MB21D2: variants seen among roughly 807,000 people sequenced by gnomAD.
The protein encoded by MB21D2 is Mab-21 domain containing 2.
In MB21D2, 9 loss-of-function variants were observed where a neutral mutation model predicts 33.3. That is an observed-to-expected ratio of 0.27 (90% confidence interval 0.16 to 0.47). The LOEUF (loss-of-function observed/expected upper bound fraction) is 0.47, where lower values mean the gene tolerates loss of function less well. Among genes scored for constraint, MB21D2 ranks in the 20% least tolerant of loss-of-function variants. MB21D2 has a pLI of 0.99. For missense variants in MB21D2, 540 were observed against 624.6 expected (o/e 0.86, Z 1.44); for synonymous variants, 241 against 236.3 (o/e 1.02, Z -0.18).
At chr3:192,888,754 T>A (rs1175801601) in intron 1 of MB21D2, among the ~76,000 whole-genome samples, 2 of 152,158 alleles carry the variant, frequency 1.3e-5, no homozygotes, top group East Asian at 3.8e-4. Flanking sequence ...GTATTTTATT[T>A]ATTGAGTCTT....
chr3:192,901,087 G>C (rs960802904), intron 1 of MB21D2, among the ~76,000 whole-genome samples: 1 of 152,068 alleles, frequency 6.6e-6, no homozygotes, highest in Admixed American at 6.5e-5. Context: ...CCAGGTGAAC[G>C]GCCCGAGATG....
intron 1 of MB21D2, among the ~76,000 whole-genome samples, chr3:192,834,375 C>A (rs573973977): frequency 1.5e-5 from 2 of 133,760 alleles, no homozygotes; most frequent in Non-Finnish European, 3.2e-5. Flanking sequence ...AGTTATGATG[C>A]AAATAAGGAC....
intron 1 of MB21D2, among the ~76,000 whole-genome samples, chr3:192,863,852 G>A (rs11928572): frequency 0.036 from 5,433 of 152,208 alleles, 132 homozygotes; most frequent in Non-Finnish European, 0.043. Context: ...AGGGAGCTTC[G>A]CCAGACACCA....
intron 1 of MB21D2, among the ~76,000 whole-genome samples, chr3:192,839,780 C>T (rs1712528148): frequency 6.6e-6 from 1 of 152,160 alleles, no homozygotes; most frequent in Admixed American, 6.5e-5. Flanking sequence ...ATCTATATGT[C>T]AATCTATACA....
chr3:192,812,262 G>A (rs913906752), intron 1 of MB21D2, among the ~76,000 whole-genome samples: 1 of 152,034 alleles, frequency 6.6e-6, no homozygotes, highest in African/African-American at 2.4e-5. Context: ...TGGTCAGGCT[G>A]GTCTCAAACT....
chr3:192,899,033 A>T (rs1714037299), intron 1 of MB21D2, among the ~76,000 whole-genome samples: 1 of 152,236 alleles, frequency 6.6e-6, no homozygotes, highest in Non-Finnish European at 1.5e-5. Flanking sequence ...AGGCAACAGG[A>T]AAAAGAGCAC....
At chr3:192,887,699 T>C (rs1381489223) in intron 1 of MB21D2, among the ~76,000 whole-genome samples, 2 of 152,052 alleles carry the variant, frequency 1.3e-5, no homozygotes, top group Non-Finnish European at 2.9e-5. Flanking sequence ...ACAAAAAATA[T>C]TTTTTCCCTT....
At chr3:192,830,888 G>A (rs1712301362) in intron 1 of MB21D2, among the ~76,000 whole-genome samples, 1 of 152,152 alleles carries the variant, frequency 6.6e-6, no homozygotes, top group African/African-American at 2.4e-5. Flanking sequence ...GAAATCACAG[G>A]GAGTTTCCAT....
chr3:192,811,729 C>T (rs1430554405), intron 1 of MB21D2, among the ~76,000 whole-genome samples: 1 of 152,044 alleles, frequency 6.6e-6, no homozygotes, highest in Non-Finnish European at 1.5e-5. Context: ...ATATATTTTT[C>T]AGATACAGGC....
At chr3:192,854,467 G>A (rs1183432086) in intron 1 of MB21D2, among the ~76,000 whole-genome samples, 1 of 152,194 alleles carries the variant, frequency 6.6e-6, no homozygotes, top group Non-Finnish European at 1.5e-5. Context: ...AAGGAAATAA[G>A]TCATCTCTAT....
chr3:192,835,306 A>C (rs1024856157), intron 1 of MB21D2, among the ~76,000 whole-genome samples: 1 of 151,368 alleles, frequency 6.6e-6, no homozygotes, highest in African/African-American at 2.4e-5. Flanking sequence ...ATACAAAAAA[A>C]TTAGCTGGGT....
intron 1 of MB21D2, among the ~76,000 whole-genome samples, chr3:192,897,955 T>C (rs1003245398): frequency 4.0e-5 from 5 of 123,922 alleles, no homozygotes; most frequent in African/African-American, 1.6e-4. Flanking sequence ...CAAGACCCTG[T>C]CTCAATAAAA....
chr3:192,799,137 T>G lies in MB21D2; in HGVS notation c.725A>C (p.Lys242Thr). 1 of 1,614,184 alleles carries G rather than the reference T, an allele frequency of 6.2e-7. No homozygotes were observed. Among genetic ancestry groups the G allele is most frequent in the Non-Finnish European group, 8.5e-7 (1 of 1,180,020 alleles). The change falls in exon 2 of 2, where the codon AAA becomes ACA. Residue 242 changes from lysine (K) to threonine (T), a missense_variant. Transcript: ENST00000392452. The surrounding 1 kb of genome is among the most constrained non-coding windows in gnomAD (Gnocchi z 4.1). ...GCTCTGGGCCACTGCAGGCCAACCT[T>G]TGAAAGATACCACAGGGACAATATC... is the stretch of plus-strand genomic sequence containing the variant. ...LYDIVPVVSF[K>T]GWPAVAQSWL...
chr3:192,866,225 C>T lies in MB21D2; in HGVS notation c.211+51405G>A, dbSNP rs188773305. ...TAAGGCTCAGAATTTCCCCAAAATG[C>T]TCAGGTTAGGAAAACAACAGCAAAC... On this transcript the variant is annotated intron_variant, in intron 1 of 1. Transcript: ENST00000392452. Among the ~76,000 whole-genome samples, 61 of 152,148 alleles carry T rather than the reference C, an allele frequency of 4.0e-4. No homozygotes were observed. In the East Asian group the frequency reaches 0.01, roughly 26 times the overall value.
chr3:192,842,835 A>G (rs953000893), intron 1 of MB21D2, among the ~76,000 whole-genome samples: 2 of 152,186 alleles, frequency 1.3e-5, no homozygotes, highest in East Asian at 3.9e-4. Flanking sequence ...TGTCACATCC[A>G]CTGTGCATGT....
intron 1 of MB21D2, among the ~76,000 whole-genome samples, chr3:192,881,526 C>G (rs1393065453): frequency 6.6e-6 from 1 of 152,142 alleles, no homozygotes; most frequent in East Asian, 1.9e-4. Flanking sequence ...TATAGCTTTG[C>G]TGTAAGAAAA....
At chr3:192,870,543 A>T (rs1713268469) in intron 1 of MB21D2, among the ~76,000 whole-genome samples, 1 of 151,866 alleles carries the variant, frequency 6.6e-6, no homozygotes, top group Non-Finnish European at 1.5e-5. Flanking sequence ...TACAAAAATT[A>T]GCCAGGCATG....
At chr3:192,836,389 T>C (rs1712439833) in intron 1 of MB21D2, among the ~76,000 whole-genome samples, 1 of 152,206 alleles carries the variant, frequency 6.6e-6, no homozygotes. Context: ...GACTCACAAA[T>C]TCTTATGTTG....
At chr3:192,813,839 T>G (rs1472112729) in intron 1 of MB21D2, among the ~76,000 whole-genome samples, 1 of 152,166 alleles carries the variant, frequency 6.6e-6, no homozygotes, top group African/African-American at 2.4e-5. Flanking sequence ...TAAGGTGTGC[T>G]CTATTGGGAG....
Sources: gnomAD v4.1 joint callset for allele counts (sites outside exome capture counted in the v4.1 genomes callset) on GRCh38, gnomAD v4.1.1 for gene constraint, Gnocchi (gnomAD v3.1) non-coding constraint, MANE v1.5 for transcripts, NCBI Gene and HGNC (gene_info 2026-07-23, HGNC 2026-07-21) for gene names.